LINGO2: variants seen among roughly 807,000 people sequenced by gnomAD.
LINGO2 encodes leucine rich repeat and Ig domain containing 2, also known as leucine-rich repeat and immunoglobulin-like domain-containing nogo receptor-interacting protein 2.
A neutral mutation model predicts 30.6 loss-of-function variants in LINGO2; 14 were observed. The ratio of observed to expected loss-of-function variants is 0.46; its 90% CI spans 0.30 to 0.72. The LOEUF (loss-of-function observed/expected upper bound fraction) is 0.72, where lower values mean the gene tolerates loss of function less well. Among genes scored for constraint, LINGO2 ranks in the 30% least tolerant of loss-of-function variants. The pLI is 0.07. For missense variants in LINGO2, 729 were observed against 751.7 expected, an observed-to-expected ratio of 0.97 and a Z score of 0.35; for synonymous variants, 317 against 288.5, an observed-to-expected ratio of 1.10 and a Z score of -1.00.
At chr9:28,910,616 C>T in the LINGO2 span, among the ~76,000 whole-genome samples, 2 of 152,010 alleles carry the variant, frequency 1.3e-5, no homozygotes, top group African/African-American at 2.4e-5. Context: ...AAGTGTGTAG[C>T]ACCTTCCCTC....
the LINGO2 span, among the ~76,000 whole-genome samples, chr9:28,958,092 C>T: frequency 1.3e-5 from 2 of 152,064 alleles, no homozygotes; most frequent in African/African-American, 4.8e-5. Flanking sequence ...TCCTTCATTG[C>T]TAATTGTTTC....
intron 4 of LINGO2, among the ~76,000 whole-genome samples, chr9:28,058,978 T>C (rs1825053157): frequency 1.3e-5 from 2 of 152,170 alleles, no homozygotes; most frequent in Admixed American, 1.3e-4. Context: ...CCTGTTATGA[T>C]GGTGTATATC....
At chr9:28,047,934 A>G (rs1824499446) in intron 4 of LINGO2, among the ~76,000 whole-genome samples, 1 of 150,870 alleles carries the variant, frequency 6.6e-6, no homozygotes. Flanking sequence ...CAAAGTAGCA[A>G]TGTGATTTTT....
At chr9:28,685,745 T>C in the LINGO2 span, among the ~76,000 whole-genome samples, 1 of 152,158 alleles carries the variant, frequency 6.6e-6, no homozygotes, top group Admixed American at 6.5e-5. Context: ...ATCCTAAAAA[T>C]AATCTACAGA....
chr9:29,171,229 AT>A, the LINGO2 span, among the ~76,000 whole-genome samples: 1 of 152,026 alleles, frequency 6.6e-6, no homozygotes, highest in African/African-American at 2.4e-5. Flanking sequence ...TTCCTTAAAC[AT>A]TTTCATTTAA....
chr9:28,643,218 C>T (rs939087211), intron 1 of LINGO2, among the ~76,000 whole-genome samples: 1 of 151,426 alleles, frequency 6.6e-6, no homozygotes, highest in Admixed American at 6.6e-5. Context: ...CACAAAAGAC[C>T]CAGAAGAGCC....
the LINGO2 span, among the ~76,000 whole-genome samples, chr9:29,188,648 G>A: frequency 1.3e-4 from 19 of 151,740 alleles, no homozygotes; most frequent in East Asian, 3.5e-3. Context: ...CAGTAGGGGC[G>A]GCCGGGCAGA....
upstream of LINGO2, among the ~76,000 whole-genome samples, chr9:28,673,290 T>A (rs774055726): frequency 1.3e-5 from 2 of 152,154 alleles, no homozygotes. Flanking sequence ...CAGGCCCAGA[T>A]GTAATCCTAG....
chr9:28,087,374 T>C (rs1376036234), intron 4 of LINGO2, among the ~76,000 whole-genome samples: 2 of 152,128 alleles, frequency 1.3e-5, no homozygotes, highest in African/African-American at 4.8e-5. Flanking sequence ...TAAAACAATA[T>C]GTGTTTTACC....
intron 3 of LINGO2, among the ~76,000 whole-genome samples, chr9:28,360,262 T>C (rs1820388665): frequency 6.6e-6 from 1 of 152,196 alleles, no homozygotes; most frequent in Non-Finnish European, 1.5e-5. Flanking sequence ...ACTATTCCTT[T>C]AAACCGTCAG....
chr9:28,654,185 T>C (rs1828235522), intron 1 of LINGO2, among the ~76,000 whole-genome samples: 1 of 152,162 alleles, frequency 6.6e-6, no homozygotes, highest in African/African-American at 2.4e-5. Flanking sequence ...AGATAAATTA[T>C]GTCTAACATA....
chr9:29,207,051 G>A, the LINGO2 span, among the ~76,000 whole-genome samples: 4 of 151,448 alleles, frequency 2.6e-5, no homozygotes, highest in Admixed American at 2.0e-4. Flanking sequence ...ATATATATAT[G>A]TAAATATACA....
intron 4 of LINGO2, among the ~76,000 whole-genome samples, chr9:28,121,099 C>G (rs1271516655): frequency 6.6e-6 from 1 of 151,966 alleles, no homozygotes; most frequent in Admixed American, 6.6e-5. Context: ...CTCCAGAACA[C>G]AATTATTCAT....
intron 4 of LINGO2, among the ~76,000 whole-genome samples, chr9:28,098,778 T>A (rs1161076818): frequency 1.3e-5 from 2 of 152,156 alleles, no homozygotes; most frequent in Admixed American, 6.6e-5. Flanking sequence ...ACAGAATATG[T>A]CAAGTGGAGC....
chr9:28,202,272 G>C (rs1035749770), intron 4 of LINGO2, among the ~76,000 whole-genome samples: 17 of 152,002 alleles, frequency 1.1e-4, no homozygotes, highest in Admixed American at 2.6e-4. Context: ...TTTCCAGGGG[G>C]TCACAATTCA....
At chr9:28,279,341 G>C (rs1360571308) in intron 4 of LINGO2, among the ~76,000 whole-genome samples, 1 of 152,166 alleles carries the variant, frequency 6.6e-6, no homozygotes, top group Non-Finnish European at 1.5e-5. Context: ...TGGGTAAAAT[G>C]CTACCATACA....
At position 28,491,276 on chromosome 9, in the gene LINGO2, A is replaced by C. The variant is rs111264206; in HGVS notation, c.-364-15251T>G. On this transcript the variant is annotated intron_variant, in intron 1 of 5. Transcript: ENST00000379992. ...ATTCCTTGTCTCTTGCAGCTTCTAG[A>C]GGCCTCTTGGCATTCTTTGGCTTGT... Among the ~76,000 whole-genome samples the C allele has an allele frequency of 9.8e-3, 1,496 of 152,272 alleles. 24 individuals carry two copies. Among genetic ancestry groups the C allele is most frequent in the African/African-American group, 0.034 (1,411 of 41,556 alleles).
chr9:28,218,106 A>G lies in LINGO2; in HGVS notation c.-87+77102T>C, dbSNP rs551610598. On this transcript the variant is annotated intron_variant, in intron 4 of 5. Transcript: ENST00000379992. ...CTAGGGTCTGGATTCTAATTCTAAT[A>G]TCATAATTATATTATATTATAAATA... Among the ~76,000 whole-genome samples the G allele has an allele frequency of 3.9e-3, 583 of 149,084 alleles. 7 individuals are homozygous for G. The highest frequency in any genetic ancestry group is 0.011 in the Middle Eastern group (3 of 280).
chr9:28,607,709 A>G (rs1053719788), intron 1 of LINGO2, among the ~76,000 whole-genome samples: 9 of 152,008 alleles, frequency 5.9e-5, no homozygotes, highest in Admixed American at 3.3e-4. Context: ...AAAATTCCCC[A>G]TCTTTCATGT....
Sources: gnomAD v4.1 joint callset for allele counts (sites outside exome capture counted in the v4.1 genomes callset) on GRCh38, gnomAD v4.1.1 for gene constraint, MANE v1.5 for transcripts, NCBI Gene and HGNC (gene_info 2026-07-23, HGNC 2026-07-21) for gene names.